Variants in PPP2R5C observed in about 807,000 individuals in gnomAD.
The protein encoded by PPP2R5C is serine/threonine-protein phosphatase 2A 56 kDa regulatory subunit gamma isoform.
PPP2R5C carries 7 observed loss-of-function variants against 68.9 expected under a neutral mutation model. The ratio of observed to expected loss-of-function variants is 0.10; its 90% confidence interval spans 0.06 to 0.19. The LOEUF (loss-of-function observed/expected upper bound fraction) is 0.19. PPP2R5C is among the 10% of genes least tolerant of loss of function. The probability of loss-of-function intolerance (pLI) is 1.00; values close to 1 mark genes in which losing one functional copy is unlikely to be tolerated. For synonymous variants in PPP2R5C, 210 were observed against 222.2 expected (o/e 0.95, Z 0.49); for missense variants, 348 against 641.3 (o/e 0.54, Z 4.94).
chr14:101,836,239 G>A (rs771317099), intron 1 of PPP2R5C: 75 of 702,618 alleles, frequency 1.1e-4, no homozygotes, highest in Non-Finnish European at 1.6e-4. Context: ...AGCTGTGGCC[G>A]CCTACGGAGC....
intron 1 of PPP2R5C, chr14:101,810,281 C>T: frequency 4.5e-6 from 2 of 448,262 alleles, no homozygotes; most frequent in Non-Finnish European, 8.0e-6. Flanking sequence ...GCTTTCTGCT[C>T]GCTCTCCCAT....
chr14:101,799,369 A>G (rs892494993), intron 3 of PPP2R5C, among the ~76,000 whole-genome samples: 3 of 152,186 alleles, frequency 2.0e-5, no homozygotes, highest in Admixed American at 1.3e-4. Flanking sequence ...TCAACTCAGC[A>G]TGGGGAGCGC....
upstream of PPP2R5C, among the ~76,000 whole-genome samples, chr14:101,761,234 G>A (rs770414280): frequency 6.6e-5 from 10 of 152,250 alleles, no homozygotes; most frequent in Non-Finnish European, 1.5e-4. Flanking sequence ...GCAAGGCCAA[G>A]AGGCCACGGT....
At chr14:101,865,586 T>A (rs1325061326) in intron 2 of PPP2R5C, among the ~76,000 whole-genome samples, 1 of 152,220 alleles carries the variant, frequency 6.6e-6, no homozygotes, top group African/African-American at 2.4e-5. Flanking sequence ...AACGGTCGGA[T>A]CTGTACCCAA....
At chr14:101,907,280 C>T (rs2046088585) in intron 10 of PPP2R5C, among the ~76,000 whole-genome samples, 1 of 152,094 alleles carries the variant, frequency 6.6e-6, no homozygotes, top group Non-Finnish European at 1.5e-5. Context: ...AAGCAAACCT[C>T]CTGCCTCAGG....
intron 13 of PPP2R5C, 118 bp from the exon 16 acceptor site, chr14:101,925,023 C>A: frequency 8.5e-7 from 1 of 1,179,808 alleles, no homozygotes; most frequent in South Asian, 1.4e-5. Flanking sequence ...CAGGGTGCCG[C>A]CAGCGAGTGG....
intron 1 of PPP2R5C, among the ~76,000 whole-genome samples, chr14:101,856,308 G>A (rs975694339): frequency 3.9e-5 from 6 of 152,256 alleles, no homozygotes; most frequent in Admixed American, 3.3e-4. Context: ...ATGTGTCCAC[G>A]CCCTTTCCCC....
At chr14:101,909,011 C>T (rs1742753551) in intron 10 of PPP2R5C, among the ~76,000 whole-genome samples, 2 of 152,328 alleles carry the variant, frequency 1.3e-5, no homozygotes, top group South Asian at 4.1e-4. Flanking sequence ...GGGATCGGGG[C>T]TCTTACAGGG....
At chr14:101,778,045 G>A (rs536751505) in intron 2 of PPP2R5C, among the ~76,000 whole-genome samples, 42 of 152,302 alleles carry the variant, frequency 2.8e-4, no homozygotes, top group African/African-American at 9.9e-4. Context: ...GCTGGGGTTA[G>A]AGGCATGAGC....
At position 101,891,459 on chromosome 14, in the gene PPP2R5C, G is replaced by A. The variant is rs1318295471; in HGVS notation, c.689+1163G>A. Among the ~76,000 whole-genome samples the A allele has an allele frequency of 7.3e-6, 1 of 137,566 alleles. No homozygotes were observed. Among genetic ancestry groups the A allele is most frequent in the Non-Finnish European group, 1.5e-5 (1 of 66,098 alleles). 90.2% of individuals were successfully genotyped at this position (137,566 alleles called of 152,430 possible). A position where few individuals can be genotyped will look rare whatever the true frequency, so the allele number is the denominator to read the frequency against. On this transcript the variant is annotated intron_variant, in intron 6 of 13. Transcript: ENST00000334743. This position sits in a 1 kb window ranked among gnomAD's most constrained non-coding sequence, Gnocchi z 4.9. ...AGTGCAGTGCAGTGAGTGGTGAAGAGGATGCCTCTCTTACTAGATGTGTGA... is the reference window on the plus strand; with the variant it reads ...AGTGCAGTGCAGTGAGTGGTGAAGAAGATGCCTCTCTTACTAGATGTGTGA...
At chr14:101,900,635 C>A (rs1430049816) in intron 8 of PPP2R5C, among the ~76,000 whole-genome samples, 1 of 152,252 alleles carries the variant, frequency 6.6e-6, no homozygotes, top group Admixed American at 6.5e-5. Context: ...ATTATGAAAT[C>A]TGCATGGATT....
At chr14:101,822,578 T>C (rs1351327608) in intron 1 of PPP2R5C, among the ~76,000 whole-genome samples, 3 of 152,228 alleles carry the variant, frequency 2.0e-5, no homozygotes, top group East Asian at 3.8e-4. Flanking sequence ...TTTTTACTTA[T>C]CCTTCCTCTC....
At chr14:101,876,364 G>C (rs929286578) in intron 2 of PPP2R5C, among the ~76,000 whole-genome samples, 1 of 151,360 alleles carries the variant, frequency 6.6e-6, no homozygotes, top group African/African-American at 2.4e-5. Context: ...ACAGAGAACT[G>C]TAAATAATCA....
At chr14:101,909,380 T>A (rs1427472905) in intron 10 of PPP2R5C, among the ~76,000 whole-genome samples, 1 of 152,212 alleles carries the variant, frequency 6.6e-6, no homozygotes, top group East Asian at 1.9e-4. Context: ...GAGTGGCCTC[T>A]GTGGCTATGT....
intron 13 of PPP2R5C, among the ~76,000 whole-genome samples, 141 bp from the exon 16 acceptor site, chr14:101,924,977 ATTTCCATGATAAGACCTACGCCG>A (rs2047218485): frequency 6.6e-6 from 1 of 152,082 alleles, no homozygotes; most frequent in Non-Finnish European, 1.5e-5. Flanking sequence ...TTTTTGGCAA[ATTTCCATGATAAGACCTACGCCG>A]TTTCCCTGTG....
intron 3 of PPP2R5C, among the ~76,000 whole-genome samples, chr14:101,802,951 TAAAAAAAA>T (rs571594853): frequency 3.0e-5 from 3 of 99,930 alleles, no homozygotes; most frequent in African/African-American, 7.7e-5. Flanking sequence ...GGCTACTATT[TAAAAAAAA>T]AAAAAAAAAA....
intron 1 of PPP2R5C, among the ~76,000 whole-genome samples, chr14:101,851,754 G>A (rs1217189417): frequency 6.6e-6 from 1 of 152,038 alleles, no homozygotes; most frequent in Non-Finnish European, 1.5e-5. Flanking sequence ...GTCCTTTATG[G>A]TGTCTTGGAG....
At chr14:101,816,970 T>A (rs898217270) in intron 1 of PPP2R5C, among the ~76,000 whole-genome samples, 36 of 144,704 alleles carry the variant, frequency 2.5e-4, no homozygotes, top group African/African-American at 8.4e-4. Flanking sequence ...ATATATTTTT[T>A]TTTTTTGAGA....
chr14:101,920,093 G>A (rs2046932048), intron 13 of PPP2R5C, among the ~76,000 whole-genome samples: 1 of 152,006 alleles, frequency 6.6e-6, no homozygotes, highest in Admixed American at 6.6e-5. Context: ...AATAAACTAG[G>A]TCCAAAATGT....
Sources: allele counts gnomAD v4.1 joint callset (sites outside exome capture counted in the v4.1 genomes callset), GRCh38; gene constraint gnomAD v4.1.1; non-coding constraint Gnocchi (gnomAD v3.1); transcripts MANE v1.5; gene names NCBI Gene and HGNC (gene_info 2026-07-23, HGNC 2026-07-21).